Variants in ARPP21 observed in about 807,000 individuals in gnomAD.
ARPP21 encodes the protein cAMP-regulated phosphoprotein 21.
Under a neutral mutation model 113.2 loss-of-function variants are expected in ARPP21, and 69 were observed. The ratio of observed to expected loss-of-function variants is 0.61; its 90% confidence interval spans 0.50 to 0.74. The LOEUF is 0.74. Among genes scored for constraint, ARPP21 ranks in the 30% least tolerant of loss-of-function variants. ARPP21 has a pLI of 0.00. For synonymous variants in ARPP21, 368 were observed against 375.5 expected (o/e 0.98, Z 0.23); for missense variants, 1,070 against 1,037.4 (o/e 1.03, Z -0.43).
chr3:35,736,810 G>C (rs1031842202), intron 15 of ARPP21, among the ~76,000 whole-genome samples: 5 of 152,198 alleles, frequency 3.3e-5, no homozygotes, highest in Non-Finnish European at 7.3e-5. Context: ...ATCCTTCAGT[G>C]TATGTTATCT....
Position 35,792,516 on chromosome 3 carries a change from A to G in ARPP21, c.2272A>G (p.Met758Val), listed in dbSNP as rs2096766821. 6.2e-7 allele frequency: 1 copy of G among 1,614,032 alleles called. No homozygotes were observed. The highest frequency in any genetic ancestry group is 8.5e-7 in the Non-Finnish European group (1 of 1,179,926). ...AAGCGTGATGGTTTCCTACCCAACA[A>G]TGTCTTCTTATCAGGTGCTCATAAG... Reference protein sequence around the residue: ...VQSVMVSYPTMSSYQVPMTQG... With the variant: ...VQSVMVSYPTVSSYQVPMTQG... Residue 758 changes from methionine to valine, a missense_variant, in exon 20 of 21, where the codon ATG becomes GTG. Coordinates refer to ENST00000684406, the MANE Select transcript of ARPP21 (RefSeq NM_001385562.1).
At chr3:35,690,254 C>A (rs1352344971) in intron 8 of ARPP21, 114 bp downstream of exon 8, 1 of 653,824 alleles carries the variant, frequency 1.5e-6, no homozygotes, top group East Asian at 2.7e-5. Context: ...TTAATATGTT[C>A]CTTGATTTGT....
intron 18 of ARPP21, among the ~76,000 whole-genome samples, chr3:35,742,262 T>G (rs1318955256): frequency 6.6e-6 from 1 of 152,208 alleles, no homozygotes; most frequent in African/African-American, 2.4e-5. Context: ...CATGTAAATA[T>G]AAATGCTGAC....
chr3:35,793,748 A>C lies in ARPP21; in HGVS notation c.2334A>C (p.Gln778His). The C allele has an allele frequency of 6.2e-7, 1 of 1,613,882 alleles. No individual in the cohort carries two copies. Among genetic ancestry groups the C allele is most frequent in the Non-Finnish European group, 8.5e-7 (1 of 1,179,740 alleles). Residue 778 changes from glutamine (Q) to histidine (H), a missense_variant, in exon 21 of 21, where the codon CAA becomes CAC. Transcript: ENST00000684406. ...AAGGACTGCCCCAGCAGTCATACCA[A>C]CAGCCAATCATGCTACCTAACCAGG... is the stretch of plus-strand genomic sequence containing the variant. The part of the protein sequence containing the change: ...GSQGLPQQSY[Q>H]QPIMLPNQAG...
At chr3:35,788,870 A>G (rs1205985648) in intron 19 of ARPP21, among the ~76,000 whole-genome samples, 2 of 152,224 alleles carry the variant, frequency 1.3e-5, no homozygotes, top group African/African-American at 4.8e-5. Flanking sequence ...GATTGATACA[A>G]TGCAGACATT....
At chr3:35,669,355 G>A (rs2075747155) in intron 1 of ARPP21, among the ~76,000 whole-genome samples, 1 of 152,024 alleles carries the variant, frequency 6.6e-6, no homozygotes, top group Non-Finnish European at 1.5e-5. Flanking sequence ...AATCTTGAAG[G>A]TTTCACAAAT....
chr3:35,707,648 C>T, intron 10 of ARPP21: 1 of 415,086 alleles, frequency 2.4e-6, no homozygotes. Flanking sequence ...TTTTATGGTC[C>T]ATGTAAATTG....
At position 35,717,336 on chromosome 3, in the gene ARPP21, A is replaced by G. The variant is rs757293901; in HGVS notation, c.974A>G (p.Tyr325Cys). The change falls in exon 13 of 21, where the codon TAT (tyrosine) becomes TGT (cysteine). Residue 325 changes from tyrosine to cysteine, a missense_variant. By Grantham distance (194) the Tyr-to-Cys change is radical. Transcript: ENST00000684406. ...LEDSNICNET[Y>C]KKRQLFRGNR... Reference sequence around the variant, plus strand: ...GACAGTAACATATGCAATGAGACCTATAAGAAAAGACAGCTCTTTCGGTTG... The same window carrying G: ...GACAGTAACATATGCAATGAGACCTGTAAGAAAAGACAGCTCTTTCGGTTG... 25 of 1,606,504 alleles carry G rather than the reference A, an allele frequency of 1.6e-5. No homozygotes were observed. The highest frequency in any genetic ancestry group is 2.0e-5 in the Non-Finnish European group (23 of 1,173,506).
chr3:35,676,629 T>G (rs1451224606), intron 1 of ARPP21, among the ~76,000 whole-genome samples: 2 of 151,880 alleles, frequency 1.3e-5, no homozygotes, highest in Non-Finnish European at 2.9e-5. Context: ...TTATACACTA[T>G]TGAACGATTG....
At chr3:35,775,868 G>A (rs939737901) in intron 19 of ARPP21, among the ~76,000 whole-genome samples, 1 of 152,040 alleles carries the variant, frequency 6.6e-6, no homozygotes, top group African/African-American at 2.4e-5. Context: ...CAGCATAAAT[G>A]CTTTTGTCTT....
At chr3:35,762,202 G>A (rs899375500) in intron 19 of ARPP21, among the ~76,000 whole-genome samples, 2 of 146,838 alleles carry the variant, frequency 1.4e-5, no homozygotes, top group African/African-American at 2.5e-5. Flanking sequence ...ATTTTATTTT[G>A]TCAAGAGTCA....
At chr3:35,775,960 ATTGT>A (rs2151616706) in intron 19 of ARPP21, among the ~76,000 whole-genome samples, 1 of 152,252 alleles carries the variant, frequency 6.6e-6, no homozygotes, top group Admixed American at 6.5e-5. Flanking sequence ...ATTTTCAAAC[ATTGT>A]TTGGATATTT....
intron 19 of ARPP21, 168 bp from the exon 20 acceptor site, chr3:35,792,214 G>A (rs2096761333): frequency 6.1e-6 from 4 of 654,714 alleles, no homozygotes; most frequent in Middle Eastern, 4.4e-4. Context: ...ACTCTTAGAA[G>A]TAAAAAAAAG....
In ARPP21 at chr3:35,683,972, A is replaced by T. The variant is rs200173509; in HGVS notation, c.261+157A>T. Reference sequence around the variant, plus strand: ...TTATCCCCTGCTTATGCAACATTCTAAAATAGTTTAATGGTTTGTCACAGA... The same window carrying T: ...TTATCCCCTGCTTATGCAACATTCTTAAATAGTTTAATGGTTTGTCACAGA... On this transcript the variant is annotated intron_variant, in intron 5 of 20. Coordinates refer to ENST00000684406, the MANE Select transcript of ARPP21 (RefSeq NM_001385562.1). The T allele has an allele frequency of 2.8e-5, 38 of 1,335,278 alleles. 1 individual carries two copies. The East Asian group carries it at 8.8e-4, about 31-fold the overall frequency. 82.7% of individuals were successfully genotyped at this position (1,335,278 alleles called of 1,614,324 possible). A position where few individuals can be genotyped will look rare whatever the true frequency, so the allele number is the denominator to read the frequency against.
At chr3:35,748,130 G>GAAAGAA (rs2095236941) in intron 19 of ARPP21, among the ~76,000 whole-genome samples, 1 of 114,798 alleles carries the variant, frequency 8.7e-6, no homozygotes, top group Non-Finnish European at 1.9e-5. Flanking sequence ...AGAAAGAAAA[G>GAAAGAA]AAAGAAAGGG....
chr3:35,645,481 T>A (rs1365163808), intron 1 of ARPP21, among the ~76,000 whole-genome samples: 1 of 151,948 alleles, frequency 6.6e-6, no homozygotes, highest in Non-Finnish European at 1.5e-5. Context: ...CTATGAAGAA[T>A]TGTAAAGTGT....
rs1005091126 is a variant in ARPP21 at position 35,639,731 on chromosome 3, C to G, written c.-880C>G. On this transcript the variant is annotated 5_prime_UTR_variant, in exon 1 of 21. Transcript: ENST00000684406. This position sits in a 1 kb window ranked among gnomAD's most constrained non-coding sequence, Gnocchi z 5.0. ...AGACAGCAACACTCGCGTGCTCCCT[C>G]CCTCCACACGCCCTCCTCTTACCGA... is the stretch of plus-strand genomic sequence containing the variant. 1 of 153,216 alleles carries G rather than the reference C, an allele frequency of 6.5e-6. No individual in the cohort carries two copies. Among genetic ancestry groups the G allele is most frequent in the Non-Finnish European group, 1.5e-5 (1 of 68,908 alleles). 9.5% of individuals were successfully genotyped at this position (153,216 alleles called of 1,614,324 possible). A position where few individuals can be genotyped will look rare whatever the true frequency, so the allele number is the denominator to read the frequency against.
chr3:35,650,498 G>A (rs532014695), intron 1 of ARPP21: 1 of 152,176 alleles, frequency 6.6e-6, no homozygotes, highest in South Asian at 2.1e-4. Context: ...GGATGATAAA[G>A]TAATATGAAT....
intron 11 of ARPP21, among the ~76,000 whole-genome samples, chr3:35,714,616 A>G (rs2092067199): frequency 6.6e-6 from 1 of 152,192 alleles, no homozygotes; most frequent in South Asian, 2.1e-4. Context: ...ACCCTATTAT[A>G]GGACCACAGC....
Sources: gnomAD v4.1 joint callset for allele counts (sites outside exome capture counted in the v4.1 genomes callset) on GRCh38, gnomAD v4.1.1 for gene constraint, Gnocchi (gnomAD v3.1) non-coding constraint, MANE v1.5 for transcripts, NCBI Gene and HGNC (gene_info 2026-07-23, HGNC 2026-07-21) for gene names.